The following SAMD3 variants were observed in gnomAD, a reference collection of about 807,000 sequenced individuals.
SAMD3 encodes the protein sterile alpha motif domain containing 3, also known as sterile alpha motif domain-containing protein 3.
A neutral mutation model predicts 58.5 loss-of-function variants in SAMD3; 63 were observed. The ratio of observed to expected loss-of-function variants is 1.08; its 90% CI spans 0.88 to 1.33. The LOEUF (loss-of-function observed/expected upper bound fraction) is 1.33. Among genes scored for constraint, SAMD3 ranks in the 40% most tolerant of loss-of-function variants. The pLI is 0.00. For synonymous variants in SAMD3, 220 were observed against 210.3 expected (o/e 1.05, Z -0.40); for missense variants, 604 against 608.4 (o/e 0.99, Z 0.08).
chr6:130,269,100 T>A (rs1449330160), intron 2 of SAMD3, among the ~76,000 whole-genome samples: 1 of 152,176 alleles, frequency 6.6e-6, no homozygotes, highest in Non-Finnish European at 1.5e-5. Context: ...TAACTTTAAG[T>A]CCGTGATCCA....
chr6:130,180,464 T>TGA (rs1792202809), intron 7 of SAMD3, among the ~76,000 whole-genome samples: 1 of 151,914 alleles, frequency 6.6e-6, no homozygotes, highest in Non-Finnish European at 1.5e-5. Context: ...TGTTTAGGGA[T>TGA]GACATCTGCA....
At chr6:130,345,067 T>C (rs1777403201) in intron 1 of SAMD3, among the ~76,000 whole-genome samples, 1 of 152,160 alleles carries the variant, frequency 6.6e-6, no homozygotes, top group Admixed American at 6.5e-5. Context: ...CCATTTATTC[T>C]GAACCTCTTA....
intron 2 of SAMD3, among the ~76,000 whole-genome samples, chr6:130,245,722 T>C (rs1343803741): frequency 6.6e-6 from 1 of 152,224 alleles, no homozygotes; most frequent in Non-Finnish European, 1.5e-5. Flanking sequence ...TTGAAATGTA[T>C]GTAAAACTCT....
At chr6:130,229,181 C>T (rs2326949) in intron 2 of SAMD3, among the ~76,000 whole-genome samples, 21,613 of 152,194 alleles carry the variant, frequency 0.14, 1,753 homozygotes, top group East Asian at 0.36. Context: ...ACCAATTTCT[C>T]GTGCCCAAGC....
intron 8 of SAMD3, among the ~76,000 whole-genome samples, chr6:130,162,431 T>A (rs1196977726): frequency 6.6e-6 from 1 of 152,258 alleles, no homozygotes; most frequent in Non-Finnish European, 1.5e-5. Flanking sequence ...TTTATAAAGA[T>A]AACTTTGTTC....
chr6:130,152,399 G>C lies in SAMD3; in HGVS notation c.1023+2426C>G, dbSNP rs571885103. On this transcript the variant is annotated intron_variant, in intron 9 of 11. Coordinates refer to ENST00000439090, the MANE Select transcript of SAMD3 (RefSeq NM_001017373.4). Reference sequence around the variant, plus strand: ...TTCTTTTGTCTAAAACAATCAGGTCGGGCACGGTGGCTCACAGCTGTAATC... The same window carrying C: ...TTCTTTTGTCTAAAACAATCAGGTCCGGCACGGTGGCTCACAGCTGTAATC... 6.6e-5 allele frequency among the ~76,000 whole-genome samples: 10 copies of C among 151,928 alleles called. No homozygotes were observed. In the East Asian group the frequency reaches 1.9e-3, roughly 29 times the overall value.
chr6:130,278,543 G>A (rs1038940366), intron 2 of SAMD3, among the ~76,000 whole-genome samples: 2 of 152,038 alleles, frequency 1.3e-5, no homozygotes, highest in African/African-American at 4.8e-5. Flanking sequence ...CTTCAGAGTT[G>A]TTTTCCTACA....
At chr6:130,265,698 T>G (rs987539218) in intron 2 of SAMD3, among the ~76,000 whole-genome samples, 1 of 152,114 alleles carries the variant, frequency 6.6e-6, no homozygotes, top group Non-Finnish European at 1.5e-5. Flanking sequence ...GACCACAGTT[T>G]TTAAAATAAG....
chr6:130,187,411 T>C (rs1793105275), intron 5 of SAMD3, among the ~76,000 whole-genome samples: 1 of 152,134 alleles, frequency 6.6e-6, no homozygotes, highest in Non-Finnish European at 1.5e-5. Flanking sequence ...AGGAGACAGA[T>C]ACTCCATCTT....
At chr6:130,224,936 G>A (rs770030516), upstream of SAMD3, among the ~76,000 whole-genome samples, 1 of 152,026 alleles carries the variant, frequency 6.6e-6, no homozygotes, top group Non-Finnish European at 1.5e-5. Flanking sequence ...TCTTTTTAGA[G>A]TTGGCCCAAA....
At chr6:130,334,834 C>A (rs987610296) in intron 1 of SAMD3, among the ~76,000 whole-genome samples, 4 of 152,144 alleles carry the variant, frequency 2.6e-5, no homozygotes, top group Non-Finnish European at 4.4e-5. Flanking sequence ...GCTGCACCAT[C>A]CGTGTGGTTA....
intron 5 of SAMD3, among the ~76,000 whole-genome samples, chr6:130,186,582 C>A (rs1217610990): frequency 1.3e-5 from 2 of 152,130 alleles, no homozygotes; most frequent in African/African-American, 4.8e-5. Context: ...TTTGTTCATT[C>A]ATTCAACCAG....
chr6:130,175,318 C>G (rs556555716), intron 8 of SAMD3, among the ~76,000 whole-genome samples: 1 of 152,166 alleles, frequency 6.6e-6, no homozygotes, highest in Non-Finnish European at 1.5e-5. Context: ...CCAGGCCCTC[C>G]CACGGGCCCT....
At chr6:130,169,235 C>T (rs961814953) in intron 8 of SAMD3, among the ~76,000 whole-genome samples, 1 of 152,062 alleles carries the variant, frequency 6.6e-6, no homozygotes, top group Non-Finnish European at 1.5e-5. Flanking sequence ...ATGGAACCCC[C>T]CCACACACAC....
chr6:130,209,542 A>G lies in SAMD3; in HGVS notation c.336T>C (p.Ala112=). The G allele has an allele frequency of 1.9e-6, 3 of 1,613,922 alleles. No individual in the cohort carries two copies. The highest frequency in any genetic ancestry group is 2.5e-6 in the Non-Finnish European group (3 of 1,179,778). Residue 112 remains alanine, a synonymous_variant, in exon 5 of 12, where the codon GCT becomes GCC. Coordinates refer to ENST00000439090, the MANE Select transcript of SAMD3 (RefSeq NM_001017373.4). The part of the protein sequence containing the change: ...HGEQMPSFYP[A]ENLDNGLIDQ... ...CAATTAGTCCATTATCAAGGTTTTC[A>G]GCTGGATAGAAAGATGGCATCTGCT...
intron 5 of SAMD3, among the ~76,000 whole-genome samples, chr6:130,191,184 C>A (rs1333468354): frequency 6.6e-6 from 1 of 151,892 alleles, no homozygotes; most frequent in African/African-American, 2.4e-5. Context: ...TTCTTCTACC[C>A]CCAACAATTA....
intron 2 of SAMD3, among the ~76,000 whole-genome samples, chr6:130,301,342 A>G (rs1775740226): frequency 6.6e-6 from 1 of 152,174 alleles, no homozygotes; most frequent in African/African-American, 2.4e-5. Flanking sequence ...TAGCCAAACA[A>G]AAAAGAAAAT....
intron 1 of SAMD3, among the ~76,000 whole-genome samples, chr6:130,334,855 G>T (rs1777053953): frequency 6.6e-6 from 1 of 152,184 alleles, no homozygotes; most frequent in Non-Finnish European, 1.5e-5. Flanking sequence ...TCTGAGAAAT[G>T]CAGGGAGATG....
chr6:130,209,352 T>C (rs1192134722), intron 5 of SAMD3, 143 bp downstream of exon 5: 4 of 505,518 alleles, frequency 7.9e-6, no homozygotes, highest in African/African-American at 7.9e-5. Flanking sequence ...CAAGTATCTT[T>C]ATCGCTGGAT....
Sources: gnomAD v4.1 joint callset for allele counts (sites outside exome capture counted in the v4.1 genomes callset) on GRCh38, gnomAD v4.1.1 for gene constraint, MANE v1.5 for transcripts, NCBI Gene and HGNC (gene_info 2026-07-23, HGNC 2026-07-21) for gene names.